Variants in PCDHA9 observed in about 807,000 individuals in gnomAD.
PCDHA9 encodes the protein protocadherin alpha 9.
Under a neutral mutation model 62.0 loss-of-function variants are expected in PCDHA9, and 62 were observed. The ratio of observed to expected loss-of-function variants is 1.00; its 90% confidence interval spans 0.81 to 1.23. The LOEUF (loss-of-function observed/expected upper bound fraction) is 1.23. PCDHA9 is among the 50% of genes most tolerant of loss of function. The pLI is 0.00. For synonymous variants in PCDHA9, 557 were observed against 567.6 expected (o/e 0.98, Z 0.27); for missense variants, 1,205 against 1,249.8 (o/e 0.96, Z 0.54).
chr5:141,004,423 C>T (rs2098165944), intron 3 of PCDHA9, among the ~76,000 whole-genome samples: 1 of 152,202 alleles, frequency 6.6e-6, no homozygotes, highest in Non-Finnish European at 1.5e-5. Context: ...TCTCTGCCTC[C>T]TGGAGTTTAG....
In PCDHA9 at chr5:140,848,565, T is replaced by C. The variant is rs2150412911; in HGVS notation, c.70T>C (p.Trp24Arg). ...LLLSLLILAM[W>R]VVGSGQLHYS... ...GCTCTCGCTTCTGATCCTCGCAATGTGGGTGGTGGGGAGCGGCCAGCTCCA... is the reference window on the plus strand; with the variant it reads ...GCTCTCGCTTCTGATCCTCGCAATGCGGGTGGTGGGGAGCGGCCAGCTCCA... The change falls in exon 1 of 4, where the codon TGG (tryptophan) becomes CGG (arginine). Residue 24 changes from tryptophan (W) to arginine (R), a missense_variant. By Grantham distance (101) the Trp-to-Arg change is moderately radical (BLOSUM62 -3). Transcript: ENST00000532602. 2 of 1,595,404 alleles carry C rather than the reference T, an allele frequency of 1.3e-6. No individual in the cohort carries two copies. Among genetic ancestry groups the C allele is most frequent in the African/African-American group, 1.3e-5 (1 of 74,428 alleles).
intron 1 of PCDHA9, among the ~76,000 whole-genome samples, chr5:140,919,543 T>C (rs2079190617): frequency 6.6e-6 from 1 of 152,200 alleles, no homozygotes; most frequent in Non-Finnish European, 1.5e-5. Context: ...ATACTTTTCA[T>C]TTACTGATTT....
At chr5:140,980,730 A>G (rs1227353445) in intron 2 of PCDHA9, among the ~76,000 whole-genome samples, 2 of 152,176 alleles carry the variant, frequency 1.3e-5, no homozygotes, top group Non-Finnish European at 2.9e-5. Context: ...CAATTAAGAT[A>G]TTATGAGATT....
intron 1 of PCDHA9, among the ~76,000 whole-genome samples, chr5:140,922,833 T>C (rs1443634582): frequency 6.6e-6 from 1 of 152,332 alleles, no homozygotes; most frequent in Admixed American, 6.5e-5. Flanking sequence ...TGCTAATAGA[T>C]GTCCTCAAAG....
chr5:140,863,399 A>G, intron 1 of PCDHA9: 2 of 871,986 alleles, frequency 2.3e-6, no homozygotes, highest in Non-Finnish European at 3.6e-6. Context: ...ATGCCGGGCA[A>G]GCCCACGCTG....
intron 1 of PCDHA9, chr5:140,862,641 A>C (rs529897830): frequency 1.7e-5 from 9 of 540,658 alleles, no homozygotes; most frequent in Admixed American, 9.7e-5. Context: ...ACGACTTCAC[A>C]GTGTCCGCGC....
intron 3 of PCDHA9, among the ~76,000 whole-genome samples, chr5:141,005,884 T>A (rs1554260408): frequency 6.6e-6 from 1 of 151,744 alleles, no homozygotes; most frequent in Non-Finnish European, 1.5e-5. Context: ...GAGTTTGAGG[T>A]TACATCAAGC....
At chr5:140,870,870 G>T in intron 1 of PCDHA9, 1 of 1,613,948 alleles carries the variant, frequency 6.2e-7, no homozygotes, top group African/African-American at 1.3e-5. Flanking sequence ...CGGGCCACGT[G>T]GTGGCGAAGG....
chr5:140,882,580 C>G (rs371338305), intron 1 of PCDHA9: 3 of 1,614,244 alleles, frequency 1.9e-6, no homozygotes, highest in East Asian at 4.5e-5. Flanking sequence ...AGTGCAGCAT[C>G]CACCTGGAGG....
chr5:140,959,538 A>G (rs1310965047), intron 1 of PCDHA9, among the ~76,000 whole-genome samples: 1 of 152,204 alleles, frequency 6.6e-6, no homozygotes, highest in Non-Finnish European at 1.5e-5. Flanking sequence ...TAATTCAGAG[A>G]TGCTGTATAA....
intron 1 of PCDHA9, chr5:140,871,243 C>G (rs1246479266): frequency 6.2e-7 from 1 of 1,613,862 alleles, no homozygotes; most frequent in African/African-American, 1.3e-5. Context: ...GGTACTCACG[C>G]TGCTGCTGTA....
intron 3 of PCDHA9, among the ~76,000 whole-genome samples, chr5:140,985,532 G>C (rs1358120172): frequency 6.6e-6 from 1 of 152,072 alleles, no homozygotes; most frequent in African/African-American, 2.4e-5. Flanking sequence ...AAAGCTTCAC[G>C]GTGAAGATGC....
chr5:140,969,225 C>G (rs782766938), intron 1 of PCDHA9: 13 of 1,614,118 alleles, frequency 8.1e-6, no homozygotes, highest in Admixed American at 1.7e-5. Flanking sequence ...CCAGGGCCTT[C>G]GGGAGCCCAA....
intron 2 of PCDHA9, among the ~76,000 whole-genome samples, chr5:140,979,714 T>G (rs1428916313): frequency 4.6e-5 from 7 of 152,270 alleles, no homozygotes; most frequent in African/African-American, 1.7e-4. Context: ...TGATCCAGTA[T>G]CCATGCCATG....
At chr5:140,883,313 G>A (rs1469839417) in intron 1 of PCDHA9, 2 of 1,614,000 alleles carry the variant, frequency 1.2e-6, no homozygotes, top group African/African-American at 2.7e-5. Flanking sequence ...TAACGCCCCA[G>A]AGGTTACCAT....
chr5:140,966,727 C>T (rs1330950109), intron 1 of PCDHA9: 4 of 1,405,404 alleles, frequency 2.8e-6, no homozygotes, highest in East Asian at 2.8e-5. Context: ...AAGCTGCCGC[C>T]TCCGGCCCTG....
At chr5:140,885,174 A>G (rs568198348) in intron 1 of PCDHA9, among the ~76,000 whole-genome samples, 11 of 152,108 alleles carry the variant, frequency 7.2e-5, no homozygotes, top group African/African-American at 2.6e-4. Context: ...TTTGTCCTCT[A>G]GGCACATCAG....
intron 3 of PCDHA9, among the ~76,000 whole-genome samples, chr5:140,999,639 T>C (rs1554256919): frequency 6.6e-6 from 1 of 152,144 alleles, no homozygotes; most frequent in African/African-American, 2.4e-5. Context: ...TAGAGAAAAC[T>C]GTGCAGCCTG....
In PCDHA9 at chr5:140,851,114, A is replaced by C; in HGVS notation, c.2394+225A>C. On this transcript the variant is annotated intron_variant, in intron 1 of 3. Transcript: ENST00000532602. ...TAGATATTTTTTGGGTGCTGAATCA[A>C]TTTTATTTAAATTTGTGATTAAAGT... 6 of 1,305,466 alleles carry C rather than the reference A, an allele frequency of 4.6e-6. 1 individual carries two copies. The highest frequency in any genetic ancestry group is 6.0e-6 in the Non-Finnish European group (6 of 1,007,386). 80.9% of individuals were successfully genotyped at this position (1,305,466 alleles called of 1,614,324 possible).
Sources: allele counts gnomAD v4.1 joint callset (sites outside exome capture counted in the v4.1 genomes callset), GRCh38; gene constraint gnomAD v4.1.1; transcripts MANE v1.5; gene names NCBI Gene and HGNC (gene_info 2026-07-23, HGNC 2026-07-21).